Variants in TEKT5 observed in about 807,000 individuals in gnomAD.
The protein encoded by TEKT5 is tektin 5, also known as tektin-5.
TEKT5 carries 52 observed loss-of-function variants against 48.7 expected under a neutral mutation model. The ratio of observed to expected loss-of-function variants is 1.07; its 90% confidence interval spans 0.86 to 1.35. TEKT5 has a LOEUF of 1.35. Ranked by LOEUF, TEKT5 falls within the 40% of genes most tolerant of loss-of-function variation. The probability of loss-of-function intolerance (pLI) is 0.00; values close to 1 mark genes in which losing one functional copy is unlikely to be tolerated. For missense variants in TEKT5, 831 were observed against 641.6 expected, an observed-to-expected ratio of 1.30 and a Z score of -3.19; for synonymous variants, 318 against 267.6, an observed-to-expected ratio of 1.19 and a Z score of -1.84.
chr16:10,694,297 C>T lies in TEKT5; in HGVS notation c.564+13G>A. The T allele has an allele frequency of 6.3e-7, 1 of 1,575,570 alleles. No individual in the cohort carries two copies. The highest frequency in any genetic ancestry group is 8.6e-7 in the Non-Finnish European group (1 of 1,160,400). On this transcript the variant is annotated intron_variant, in intron 1 of 6. Coordinates refer to ENST00000283025, the MANE Select transcript of TEKT5 (RefSeq NM_144674.2). ...GGACACAGCCACAGCCCTGTCCCCA[C>T]CCCTGTACTCACCTGCAATGGGCAG...
intron 5 of TEKT5, among the ~76,000 whole-genome samples, chr16:10,672,596 A>C (rs563288020): frequency 2.8e-4 from 42 of 152,314 alleles, no homozygotes; most frequent in Non-Finnish European, 4.9e-4. Flanking sequence ...ACTGTCTCAA[A>C]AAAACCACCT....
intron 5 of TEKT5, among the ~76,000 whole-genome samples, chr16:10,664,297 C>A (rs945025498): frequency 6.6e-5 from 10 of 152,102 alleles, no homozygotes; most frequent in Non-Finnish European, 1.5e-4. Context: ...AGGGAGGGAA[C>A]AACAGATAAT....
intron 6 of TEKT5, among the ~76,000 whole-genome samples, chr16:10,628,177 A>G (rs114563817): frequency 0.019 from 2,959 of 152,184 alleles, 106 homozygotes; most frequent in African/African-American, 0.067. Context: ...AGGTAGATGC[A>G]CTCACTGTGC....
At chr16:10,675,651 C>T (rs1440684781) in intron 5 of TEKT5, among the ~76,000 whole-genome samples, 1 of 152,184 alleles carries the variant, frequency 6.6e-6, no homozygotes, top group Admixed American at 6.5e-5. Flanking sequence ...CCGTTCTCTG[C>T]ACTCGCGCTC....
rs868063501 is a variant in TEKT5, at chr16:10,645,288, T to C, written c.1087-9370A>G. Among the ~76,000 whole-genome samples the C allele has an allele frequency of 5.3e-5, 8 of 151,820 alleles. 1 individual carries two copies. The highest frequency in any genetic ancestry group is 6.8e-3 in the Middle Eastern group (2 of 294). ...ACTTTGAGAGGCTGAGGTGGGAGGA[T>C]TGCTTGAGCCCAGGAGTTCGAGACC... On this transcript the variant is annotated intron_variant, in intron 5 of 6. Coordinates refer to ENST00000283025, the MANE Select transcript of TEKT5 (RefSeq NM_144674.2).
At chr16:10,641,271 G>A (rs1488169035) in intron 5 of TEKT5, among the ~76,000 whole-genome samples, 1 of 152,122 alleles carries the variant, frequency 6.6e-6, no homozygotes, top group African/African-American at 2.4e-5. Context: ...TGGTACAGGT[G>A]GACAGGCAGG....
intron 5 of TEKT5, among the ~76,000 whole-genome samples, chr16:10,658,617 G>A (rs1898304165): frequency 6.6e-6 from 1 of 151,888 alleles, no homozygotes; most frequent in Admixed American, 6.6e-5. Context: ...GTGGTATGAG[G>A]GGGGCTCCTG....
intron 6 of TEKT5, among the ~76,000 whole-genome samples, chr16:10,635,362 G>A (rs1897898173): frequency 1.3e-5 from 2 of 152,048 alleles, no homozygotes; most frequent in Non-Finnish European, 2.9e-5. Context: ...AGGGAGGTGG[G>A]AAATGAGTGA....
chr16:10,672,858 G>GC (rs1465654410), intron 5 of TEKT5, among the ~76,000 whole-genome samples: 7 of 139,364 alleles, frequency 5.0e-5, no homozygotes, highest in Non-Finnish European at 9.3e-5. Context: ...GTTTTTTTTT[G>GC]TTTTTTTTTT....
chr16:10,640,166 T>G (rs9925930), intron 5 of TEKT5, among the ~76,000 whole-genome samples: 30,093 of 141,024 alleles, frequency 0.21, 3,457 homozygotes, highest in East Asian at 0.33. Flanking sequence ...CTCCTCCGTG[T>G]GACAGGGTCT....
At chr16:10,632,264 G>C (rs1041796531) in intron 6 of TEKT5, among the ~76,000 whole-genome samples, 1 of 152,150 alleles carries the variant, frequency 6.6e-6, no homozygotes, top group African/African-American at 2.4e-5. Flanking sequence ...ATAAGGAATT[G>C]AATTTTTAAC....
intron 6 of TEKT5, among the ~76,000 whole-genome samples, chr16:10,632,662 G>C (rs1897855046): frequency 6.6e-6 from 1 of 151,940 alleles, no homozygotes; most frequent in African/African-American, 2.4e-5. Context: ...CTAGTGATTG[G>C]AGTAGGTCAG....
intron 5 of TEKT5, among the ~76,000 whole-genome samples, chr16:10,673,144 AC>A (rs890747218): frequency 2.4e-4 from 36 of 152,318 alleles, no homozygotes; most frequent in African/African-American, 8.4e-4. Context: ...CAATGAAAAC[AC>A]AGTCTCAGAA....
chr16:10,689,693 C>G (rs141166002), intron 2 of TEKT5, among the ~76,000 whole-genome samples: 1 of 152,224 alleles, frequency 6.6e-6, no homozygotes, highest in East Asian at 1.9e-4. Context: ...TAAACGCTAG[C>G]TTTTATTATT....
At chr16:10,658,868 C>T (rs1012528652) in intron 5 of TEKT5, among the ~76,000 whole-genome samples, 6 of 152,220 alleles carry the variant, frequency 3.9e-5, no homozygotes, top group African/African-American at 1.2e-4. Context: ...CAGGCATGCG[C>T]CACCACACCC....
At chr16:10,662,453 T>C (rs1898389988) in intron 5 of TEKT5, among the ~76,000 whole-genome samples, 1 of 152,224 alleles carries the variant, frequency 6.6e-6, no homozygotes, top group African/African-American at 2.4e-5. Flanking sequence ...ACAATTGTTC[T>C]GAGAGACGGT....
intron 5 of TEKT5, among the ~76,000 whole-genome samples, chr16:10,637,454 G>A (rs1012255474): frequency 5.1e-4 from 77 of 151,330 alleles, no homozygotes; most frequent in Non-Finnish European, 1.6e-4. Context: ...GAGGAAGGAG[G>A]AGGGGAGAGG....
intron 1 of TEKT5, chr16:10,690,874 G>A: frequency 1.3e-6 from 1 of 786,758 alleles, no homozygotes. Flanking sequence ...GGATGCAAAT[G>A]TATGTGAGAA....
intron 3 of TEKT5, among the ~76,000 whole-genome samples, chr16:10,686,529 G>C (rs1898864725): frequency 6.6e-6 from 1 of 151,820 alleles, no homozygotes; most frequent in African/African-American, 2.4e-5. Flanking sequence ...AGAAAACATA[G>C]GGGAAAAGTT....
Sources: allele counts gnomAD v4.1 joint callset (sites outside exome capture counted in the v4.1 genomes callset), GRCh38; gene constraint gnomAD v4.1.1; transcripts MANE v1.5; gene names NCBI Gene and HGNC (gene_info 2026-07-23, HGNC 2026-07-21).